NCKIPSD: variants seen among roughly 807,000 people sequenced by gnomAD.
NCKIPSD encodes NCK-interacting protein with SH3 domain.
Under a neutral mutation model 73.4 loss-of-function variants are expected in NCKIPSD, and 48 were observed. That is an observed-to-expected ratio of 0.65 (90% confidence interval 0.52 to 0.83). The LOEUF is 0.83. Among genes scored for constraint, NCKIPSD ranks in the 40% least tolerant of loss-of-function variants. NCKIPSD has a pLI of 0.00. For missense variants in NCKIPSD, 884 were observed against 970.2 expected, an observed-to-expected ratio of 0.91 and a Z score of 1.18; for synonymous variants, 422 against 403.6, an observed-to-expected ratio of 1.05 and a Z score of -0.54.
chr3:48,674,127 A>G lies in NCKIPSD; in HGVS notation c.*417T>C. 4.5e-6 allele frequency: 5 copies of G among 1,120,292 alleles called. No individual in the cohort carries two copies. The highest frequency in any genetic ancestry group is 5.5e-6 in the Non-Finnish European group (5 of 911,838). 69.4% of individuals were successfully genotyped at this position (1,120,292 alleles called of 1,614,324 possible). A position where few individuals can be genotyped will look rare whatever the true frequency, so the allele number is the denominator to read the frequency against. ...GCAGCACTCACTGCAAAGCTAAGGC[A>G]AAGAATAGAGCTGGTGGGAGATGCC... On this transcript the variant is annotated 3_prime_UTR_variant, in exon 13 of 13. Coordinates refer to ENST00000294129, the MANE Select transcript of NCKIPSD (RefSeq NM_016453.4).
chr3:48,679,508 CCAG>C, intron 8 of NCKIPSD, 51 bp from the exon 9 acceptor site: 1 of 1,606,638 alleles, frequency 6.2e-7, no homozygotes, highest in Non-Finnish European at 8.5e-7. Context: ...GCAGGAAACC[CCAG>C]CAGATGGCAG....
intron 12 of NCKIPSD, among the ~76,000 whole-genome samples, chr3:48,677,534 C>T (rs1575561775): frequency 6.6e-6 from 1 of 152,096 alleles, no homozygotes. Context: ...CCAACCCTCC[C>T]CTCATTTCTA....
chr3:48,682,253 C>G, intron 3 of NCKIPSD, 95 bp downstream of exon 3: 2 of 1,575,204 alleles, frequency 1.3e-6, no homozygotes, highest in Non-Finnish European at 8.6e-7. Flanking sequence ...GACTATGGCT[C>G]TGGGCCGCAT....
intron 9 of NCKIPSD, 84 bp from the exon 10 acceptor site, chr3:48,679,267 T>G: frequency 6.2e-7 from 1 of 1,607,100 alleles, no homozygotes; most frequent in Non-Finnish European, 8.5e-7. Context: ...TCTGTGAGCC[T>G]TGGGGATAGC....
At chr3:48,683,878 T>A (rs1311096415) in intron 1 of NCKIPSD, among the ~76,000 whole-genome samples, 1 of 151,856 alleles carries the variant, frequency 6.6e-6, no homozygotes, top group Non-Finnish European at 1.5e-5. Context: ...GCTTCCCTGA[T>A]GGGCACAGAC....
intron 3 of NCKIPSD, 69 bp downstream of exon 3, chr3:48,682,279 C>T (rs2077367475): frequency 6.3e-7 from 1 of 1,594,982 alleles, no homozygotes; most frequent in Admixed American, 1.7e-5. Context: ...CTGAGTGGAC[C>T]CCTTGAGCCT....
chr3:48,684,011 CACACACACAG>C (rs1056295846), intron 1 of NCKIPSD, among the ~76,000 whole-genome samples: 4 of 150,208 alleles, frequency 2.7e-5, no homozygotes, highest in African/African-American at 7.4e-5. Context: ...CACACACACA[CACACACACAG>C]AGAGAGAGAG....
In NCKIPSD at chr3:48,677,743, G is replaced by A. The variant is rs528190262; in HGVS notation, c.1965+821C>T. ...GTGGCTTTGGGCTCCTGCTTTCTTG[G>A]TTCTCTTCCTGGGTTTCTCCCTAGT... is the stretch of plus-strand genomic sequence containing the variant. On this transcript the variant is annotated intron_variant, in intron 12 of 12. Coordinates refer to ENST00000294129, the MANE Select transcript of NCKIPSD (RefSeq NM_016453.4). Among the ~76,000 whole-genome samples the A allele has an allele frequency of 5.3e-5, 8 of 152,286 alleles. No homozygotes were observed. In the East Asian group the frequency reaches 1.3e-3, roughly 26 times the overall value.
chr3:48,685,201 G>A (rs1338445102), intron 1 of NCKIPSD, among the ~76,000 whole-genome samples: 1 of 125,698 alleles, frequency 8.0e-6, no homozygotes, highest in Admixed American at 7.6e-5. Flanking sequence ...AAGGGAGGGA[G>A]GGAGGGAGGG....
chr3:48,682,071 C>A lies in NCKIPSD; in HGVS notation c.572G>T (p.Arg191Leu). Residue 191 changes from arginine to leucine, a missense_variant, in exon 4 of 13, where the codon CGC becomes CTC. Arg to Leu is a moderately radical substitution (Grantham distance 102, BLOSUM62 -2). Coordinates refer to ENST00000294129, the MANE Select transcript of NCKIPSD (RefSeq NM_016453.4). ...TPPPPVKRRDREALMASGSGG... is the reference protein window; with the variant it reads ...TPPPPVKRRDLEALMASGSGG... ...ACTCCCAGAGGCCATCAGGGCCTCG[C>A]GGTCTCGGCGCTTCACTGGTGGGGG... 12 of 1,601,506 alleles carry A rather than the reference C, an allele frequency of 7.5e-6. No individual in the cohort carries two copies. The highest frequency in any genetic ancestry group is 1.0e-5 in the Non-Finnish European group (12 of 1,179,878).
chr3:48,676,787 C>G (rs2077262151), intron 12 of NCKIPSD, among the ~76,000 whole-genome samples: 1 of 151,820 alleles, frequency 6.6e-6, no homozygotes, highest in African/African-American at 2.4e-5. Context: ...GCCACTGCAC[C>G]TGGCCAACAT....
chr3:48,678,860 G>A lies in NCKIPSD; in HGVS notation c.1792+17C>T. On this transcript the variant is annotated intron_variant, in intron 11 of 12. Transcript: ENST00000294129. ...AGGGCATGGAAGTGGTACCCGCGCA[G>A]ATTCCCGGGCCCTCACCCCCTCTGT... 6.2e-7 allele frequency: 1 copy of A among 1,613,870 alleles called. No individual in the cohort carries two copies. The highest frequency in any genetic ancestry group is 8.5e-7 in the Non-Finnish European group (1 of 1,179,984).
At position 48,678,929 on chromosome 3, in the gene NCKIPSD, G is replaced by A. The variant is rs201526411; in HGVS notation, c.1740C>T (p.His580=). The change falls in exon 11 of 13, where the codon CAC becomes CAT. Residue 580 remains histidine (H), a synonymous_variant. Transcript: ENST00000294129. The part of the protein sequence containing the change: ...QNVIMAALSK[H]ANVKIFSEKL... The stretch of plus-strand genomic sequence containing the variant: ...TCTCGGAGAAGATCTTGACATTGGC[G>A]TGTTTGCTCAGGGCAGCCATGATGA... The A allele has an allele frequency of 2.7e-5, 44 of 1,613,938 alleles. No homozygotes were observed. The Middle Eastern group carries it at 4.9e-4, about 18-fold the overall frequency.
In NCKIPSD at chr3:48,682,668, C is replaced by T; in HGVS notation, c.282-116G>A. Reference sequence around the variant, plus strand: ...CAGGCCCCTCAGACATCCCCATCTCCTCCATGCTCCACCCCAGCCTACAGT... The same window carrying T: ...CAGGCCCCTCAGACATCCCCATCTCTTCCATGCTCCACCCCAGCCTACAGT... On this transcript the variant is annotated intron_variant, in intron 2 of 12. Coordinates refer to ENST00000294129, the MANE Select transcript of NCKIPSD (RefSeq NM_016453.4). The T allele has an allele frequency of 2.4e-6, 3 of 1,235,004 alleles. No individual in the cohort carries two copies. In the South Asian group the frequency reaches 4.2e-5, roughly 17 times the overall value. The allele number at this position is 1,235,004 out of a possible 1,614,324, so 76.5% of individuals were successfully genotyped here.
rs546609105 is a variant in NCKIPSD at position 48,679,097 on chromosome 3, G to C, written c.1657C>G (p.Leu553Val). Residue 553 changes from leucine to valine, a missense_variant, in exon 10 of 13, where the codon CTC becomes GTC. Leu to Val is a conservative substitution (Grantham distance 32). Coordinates refer to ENST00000294129, the MANE Select transcript of NCKIPSD (RefSeq NM_016453.4). ...AGAGCCAGAAGCAGGTTCACGCAGA[G>C]GTCCGGCAGCTGCTCTGTGGTGTCC... is the stretch of plus-strand genomic sequence containing the variant. ...PLDTTEQLPD[L>V]CVNLLLALNL... is the part of the protein sequence containing the mutation. 6.2e-6 allele frequency: 10 copies of C among 1,614,130 alleles called. No individual in the cohort carries two copies. The South Asian group carries it at 9.9e-5, about 16-fold the overall frequency.
At position 48,682,923 on chromosome 3, in the gene NCKIPSD, C is replaced by A; in HGVS notation, c.261G>T (p.Leu87=). 1 of 1,552,022 alleles carries A rather than the reference C, an allele frequency of 6.4e-7. No homozygotes were observed. Among genetic ancestry groups the A allele is most frequent in the Non-Finnish European group, 8.7e-7 (1 of 1,147,868 alleles). The stretch of plus-strand genomic sequence containing the variant: ...CTCACTGGAGGACTCCACGCTGTTC[C>A]AGGCTGTACTTGCCACCATCCCGCA... ...TAMRDGGKYS[L]EQRGVLQKLI... The change falls in exon 2 of 13, where the codon CTG becomes CTT. Residue 87 remains leucine (L), a synonymous_variant. Coordinates refer to ENST00000294129, the MANE Select transcript of NCKIPSD (RefSeq NM_016453.4).
intron 9 of NCKIPSD, 38 bp from the exon 10 acceptor site, chr3:48,679,221 C>T (rs371965849): frequency 1.3e-4 from 211 of 1,610,370 alleles, no homozygotes; most frequent in Middle Eastern, 1.8e-4. Context: ...AGCCCCATTC[C>T]CCTCCGACCC....
intron 5 of NCKIPSD, 95 bp from the exon 6 acceptor site, chr3:48,680,324 T>A: frequency 7.4e-7 from 1 of 1,357,828 alleles, no homozygotes; most frequent in Non-Finnish European, 9.8e-7. Flanking sequence ...TGTGGACTTT[T>A]ACTCCATGAA....
rs745696169 is a variant in NCKIPSD at position 48,678,515 on chromosome 3, T to C, written c.1965+49A>G. ...CAATGTCATGCCCCCCACCATTTTG[T>C]TTCAGTTTCCACACAGTGACCCCCG... On this transcript the variant is annotated intron_variant, in intron 12 of 12. Coordinates refer to ENST00000294129, the MANE Select transcript of NCKIPSD (RefSeq NM_016453.4). 1.4e-5 allele frequency: 22 copies of C among 1,550,928 alleles called. No individual in the cohort carries two copies. The African/African-American group carries it at 2.6e-4, about 18-fold the overall frequency.
Sources: allele counts gnomAD v4.1 joint callset (sites outside exome capture counted in the v4.1 genomes callset), GRCh38; gene constraint gnomAD v4.1.1; transcripts MANE v1.5; gene names NCBI Gene and HGNC (gene_info 2026-07-23, HGNC 2026-07-21).